The following GYG2 variants were observed in gnomAD, a reference collection of about 807,000 sequenced individuals.
The protein encoded by GYG2 is glycogenin 2.
Under a neutral mutation model 29.4 loss-of-function variants are expected in GYG2, and 29 were observed. That is an observed-to-expected ratio of 0.99 (90% CI 0.74 to 1.35). The LOEUF (loss-of-function observed/expected upper bound fraction) is 1.35, where lower values mean the gene tolerates loss of function less well. Ranked by LOEUF, GYG2 falls within the 40% of genes most tolerant of loss-of-function variation. The probability of loss-of-function intolerance (pLI) is 0.00; values close to 1 mark genes in which losing one functional copy is unlikely to be tolerated. For synonymous variants in GYG2, 167 were observed against 172.3 expected (o/e 0.97, Z 0.24); for missense variants, 370 against 385.7 (o/e 0.96, Z 0.34).
chrX:2,845,106 C>T (rs1443955029), intron 3 of GYG2, among the ~76,000 whole-genome samples: 1 of 42,593 alleles, frequency 2.3e-5, no homozygotes, highest in Non-Finnish European at 4.6e-5. Context: ...TTTATATACA[C>T]GTGTGTATGT....
At position 2,875,919 on chromosome X, in the gene GYG2, T is replaced by G. The variant is rs912237894; in HGVS notation, c.1143+5T>G. ...ACAGAGACTGAAACCATCTTGGTATTCCTCATCTATATGACCTACACATGG... is the reference window on the plus strand; with the variant it reads ...ACAGAGACTGAAACCATCTTGGTATGCCTCATCTATATGACCTACACATGG... On this transcript the variant is annotated splice_donor_5th_base_variant and intron_variant, in intron 9 of 10. Transcript: ENST00000398806. 5.8e-6 allele frequency: 6 copies of G among 1,027,586 alleles called. No individual in the cohort carries two copies. The highest frequency in any genetic ancestry group is 8.2e-6 in the Non-Finnish European group (6 of 730,023). 84.7% of individuals were successfully genotyped at this position (1,027,586 alleles called of 1,213,427 possible). A position where few individuals can be genotyped will look rare whatever the true frequency, so the allele number is the denominator to read the frequency against.
intron 2 of GYG2, among the ~76,000 whole-genome samples, chrX:2,841,668 C>T (rs1274263085): frequency 2.7e-5 from 3 of 111,697 alleles, no homozygotes; most frequent in Non-Finnish European, 3.8e-5. Context: ...AGGAGGCAGC[C>T]CTGTACCACA....
chrX:2,829,135 G>A (rs1196065389), intron 1 of GYG2, 160 bp downstream of exon 1: 1 of 102,294 alleles, frequency 9.8e-6, no homozygotes, highest in East Asian at 3.2e-4. Flanking sequence ...GCCGAGGCTG[G>A]GGGCTGGGGG....
intron 3 of GYG2, among the ~76,000 whole-genome samples, chrX:2,847,703 AAAATAAATAAAT>A (rs34250808): frequency 0.06 from 4,830 of 80,903 alleles, 355 homozygotes; most frequent in African/African-American, 0.19. Context: ...GGACTCTGTC[AAAATAAATAAAT>A]AAATAAATAA....
chrX:2,842,980 T>G, intron 2 of GYG2: 3 of 423,777 alleles, frequency 7.1e-6, no homozygotes, highest in Non-Finnish European at 1.3e-5. Context: ...GCCCAGCTAA[T>G]TTTTGTATTT....
At chrX:2,868,559 G>A (rs1417684771) in intron 8 of GYG2, among the ~76,000 whole-genome samples, 3 of 110,044 alleles carry the variant, frequency 2.7e-5, no homozygotes, top group Non-Finnish European at 3.8e-5. Context: ...TCCTAAGGTC[G>A]GTGAATACTG....
intron 3 of GYG2, among the ~76,000 whole-genome samples, chrX:2,844,546 GCA>G (rs1375970772): frequency 1.4e-5 from 1 of 73,035 alleles, no homozygotes; most frequent in African/African-American, 5.7e-5. Context: ...ATGTGTATAC[GCA>G]CACGCATGCG....
At chrX:2,857,650 G>C (rs5939369) in intron 6 of GYG2, among the ~76,000 whole-genome samples, 48,157 of 108,854 alleles carry the variant, frequency 0.44, 9,100 homozygotes, top group Non-Finnish European at 0.58. Context: ...ATACATAGAT[G>C]TATCTATCTA....
chrX:2,853,981 G>A lies in GYG2; in HGVS notation c.151G>A (p.Val51Ile). The A allele has an allele frequency of 8.4e-7, 1 of 1,195,312 alleles. No individual in the cohort carries two copies. The highest frequency in any genetic ancestry group is 1.8e-5 in the South Asian group (1 of 56,369). Residue 51 changes from valine (V) to isoleucine (I), a missense_variant and splice_region_variant, in exon 4 of 11, where the codon GTC (valine) becomes ATC (isoleucine). Transcript: ENST00000398806. ...CTATTTGGCACATGTCTGTTCCAGG[G>A]TCATCCTCTCGAAGGTGTTCGATGA... is the stretch of plus-strand genomic sequence containing the variant. ...ITPQVSSLLR[V>I]ILSKVFDEVI... is the part of the protein sequence containing the mutation.
chrX:2,874,681 T>C (rs1162519069), intron 8 of GYG2, among the ~76,000 whole-genome samples: 1 of 112,071 alleles, frequency 8.9e-6, no homozygotes, highest in Non-Finnish European at 1.9e-5. Flanking sequence ...ACCTGTGAAA[T>C]GCATACATTC....
At chrX:2,862,008 TG>T (rs1158190221) in intron 8 of GYG2, among the ~76,000 whole-genome samples, 2 of 111,711 alleles carry the variant, frequency 1.8e-5, no homozygotes, top group Non-Finnish European at 1.9e-5. Flanking sequence ...GACCCTGAGC[TG>T]GGGAGGTATG....
At chrX:2,867,175 A>G (rs1369476943) in intron 8 of GYG2, among the ~76,000 whole-genome samples, 1 of 111,516 alleles carries the variant, frequency 9.0e-6, no homozygotes, top group African/African-American at 3.3e-5. Flanking sequence ...GGCTGAGCGT[A>G]CTTTGTTTAG....
intron 3 of GYG2, among the ~76,000 whole-genome samples, chrX:2,851,023 G>A (rs749793755): frequency 1.8e-5 from 2 of 111,527 alleles, no homozygotes; most frequent in South Asian, 3.8e-4. Flanking sequence ...AAATATAACC[G>A]TGATCATAAT....
At chrX:2,872,641 C>T (rs2147263040) in intron 8 of GYG2, among the ~76,000 whole-genome samples, 2 of 112,474 alleles carry the variant, frequency 1.8e-5, no homozygotes, top group South Asian at 3.7e-4. Context: ...ACTTCATGAT[C>T]GGCCCCGTGG....
chrX:2,876,840 T>C (rs1206194451), intron 9 of GYG2, among the ~76,000 whole-genome samples: 2 of 110,056 alleles, frequency 1.8e-5, no homozygotes, highest in Non-Finnish European at 3.8e-5. Context: ...TCCCAGCTAC[T>C]CCGGAGGCTG....
At chrX:2,845,058 C>CAT (rs1569057306) in intron 3 of GYG2, among the ~76,000 whole-genome samples, 94 of 53,605 alleles carry the variant, frequency 1.8e-3, no homozygotes, top group African/African-American at 6.1e-3. Context: ...TATATATACA[C>CAT]GTGTGTATGT....
At chrX:2,870,305 G>A (rs759301450) in intron 8 of GYG2, among the ~76,000 whole-genome samples, 25 of 110,484 alleles carry the variant, frequency 2.3e-4, no homozygotes, top group Admixed American at 1.8e-3. Context: ...GGGTTCAAGC[G>A]ATTCTCCTGC....
chrX:2,871,337 G>T lies in GYG2; in HGVS notation c.1039-4473G>T, dbSNP rs773598824. Among the ~76,000 whole-genome samples the T allele has an allele frequency of 6.4e-5, 7 of 108,811 alleles. No individual in the cohort carries two copies. The South Asian group carries it at 1.6e-3, about 25-fold the overall frequency. The allele number at this position is 108,811 out of a possible 115,157, so 94.5% of individuals were successfully genotyped here. ...ACATTTACCTCTTCTGTTTGTCTCT[G>T]GTATCTTCACTCTTAATTTTGTGCT... is the stretch of plus-strand genomic sequence containing the variant. On this transcript the variant is annotated intron_variant, in intron 8 of 10. Coordinates refer to ENST00000398806, the MANE Select transcript of GYG2 (RefSeq NM_001079855.2).
chrX:2,858,636 T>C (rs2088081612), intron 6 of GYG2, among the ~76,000 whole-genome samples: 1 of 111,964 alleles, frequency 8.9e-6, no homozygotes, highest in Admixed American at 9.5e-5. Flanking sequence ...AGAGTCTGCA[T>C]TCTCTACAGA....
Sources: allele counts gnomAD v4.1 joint callset (sites outside exome capture counted in the v4.1 genomes callset), GRCh38; gene constraint gnomAD v4.1.1; transcripts MANE v1.5; gene names NCBI Gene and HGNC (gene_info 2026-07-23, HGNC 2026-07-21).